FMO3: variants seen among roughly 807,000 people sequenced by gnomAD.
The protein encoded by FMO3 is flavin containing dimethylaniline monoxygenase 3.
Under a neutral mutation model 39.4 loss-of-function variants are expected in FMO3, and 40 were observed. The observed-to-expected ratio is 1.02, with a 90% confidence interval of 0.79 to 1.32. FMO3 has a LOEUF of 1.32. FMO3 is among the 40% of genes most tolerant of loss of function. FMO3 has a pLI of 0.00. For missense variants in FMO3, 680 were observed against 651.8 expected (o/e 1.04, Z -0.47); for synonymous variants, 219 against 228.8 (o/e 0.96, Z 0.39).
At position 171,117,250 on chromosome 1, in the gene FMO3, C is replaced by T; in HGVS notation, c.1407C>T (p.Tyr469=). ...TTTATTTTGGCCCTTGTAGTCCCTACCAGTTTAGGCTGGTGGGCCCAGGGC... is the reference window on the plus strand; with the variant it reads ...TTTATTTTGGCCCTTGTAGTCCCTATCAGTTTAGGCTGGTGGGCCCAGGGC... ...MEVYFGPCSP[Y]QFRLVGPGQW... The change falls in exon 9 of 9, where the codon TAC becomes TAT. Residue 469 remains tyrosine, a synonymous_variant. Coordinates refer to ENST00000367755, the MANE Select transcript of FMO3 (RefSeq NM_001002294.3). The T allele has an allele frequency of 6.2e-7, 1 of 1,614,192 alleles. No individual in the cohort carries two copies. The highest frequency in any genetic ancestry group is 8.5e-7 in the Non-Finnish European group (1 of 1,180,024).
intron 5 of FMO3, among the ~76,000 whole-genome samples, chr1:171,108,767 T>C (rs1041901934): frequency 2.0e-5 from 3 of 151,958 alleles, no homozygotes; most frequent in Admixed American, 6.6e-5. Flanking sequence ...GTGGTGAACA[T>C]AACAGGCATG....
chr1:171,116,309 A>G (rs910975034), intron 8 of FMO3, 29 bp downstream of exon 8: 2 of 1,192,664 alleles, frequency 1.7e-6, no homozygotes, highest in South Asian at 2.5e-5. Context: ...ATAGGAGTGT[A>G]GGATTTCCAT....
chr1:171,105,904 A>G (rs1423725572), intron 3 of FMO3, among the ~76,000 whole-genome samples: 1 of 152,100 alleles, frequency 6.6e-6, no homozygotes, highest in East Asian at 1.9e-4. Flanking sequence ...CGCAAACATT[A>G]TCTTAATCTT....
At chr1:171,115,159 A>G (rs1410792802) in intron 7 of FMO3, among the ~76,000 whole-genome samples, 5 of 152,204 alleles carry the variant, frequency 3.3e-5, no homozygotes, top group Non-Finnish European at 4.4e-5. Flanking sequence ...CTGGCATTAA[A>G]GGAAGGGTGC....
rs942515799 is a variant in FMO3 at position 171,116,064 on chromosome 1, G to C, written c.1184-144G>C. 7.9e-6 allele frequency: 5 copies of C among 631,686 alleles called. No individual in the cohort carries two copies. In the Admixed American group the frequency reaches 1.0e-4, roughly 13 times the overall value. The allele number at this position is 631,686 out of a possible 1,614,324, so 39.1% of individuals were successfully genotyped here. A position where few individuals can be genotyped will look rare whatever the true frequency, so the allele number is the denominator to read the frequency against. On this transcript the variant is annotated intron_variant, in intron 7 of 8. Transcript: ENST00000367755. Reference sequence around the variant, plus strand: ...AATTATTATGACAAATATGAGTTCTGAGAAGACTAGAACTGAATTTGGTGT... The same window carrying C: ...AATTATTATGACAAATATGAGTTCTCAGAAGACTAGAACTGAATTTGGTGT...
chr1:171,107,551 A>T (rs1313818701), intron 3 of FMO3, 124 bp from the exon 4 acceptor site: 2 of 737,490 alleles, frequency 2.7e-6, no homozygotes, highest in African/African-American at 1.8e-5. Flanking sequence ...GGGAATTTTA[A>T]ATTTGTAATA....
chr1:171,091,563 T>A (rs144628594), intron 1 of FMO3, among the ~76,000 whole-genome samples: 1 of 148,906 alleles, frequency 6.7e-6, no homozygotes, highest in Admixed American at 6.8e-5. Flanking sequence ...TGGGAAAAAA[T>A]TGTTTTTAGG....
In FMO3 at chr1:171,114,457, C is replaced by T. The variant is rs1006799840; in HGVS notation, c.1183+95C>T. On this transcript the variant is annotated intron_variant, in intron 7 of 8. Coordinates refer to ENST00000367755, the MANE Select transcript of FMO3 (RefSeq NM_001002294.3). ...AAACAATAATCCTAGTTACAAGGTC[C>T]CCTTCAGTTTTGAAAATTTATAATT... 3.2e-6 allele frequency: 3 copies of T among 929,868 alleles called. No individual in the cohort carries two copies. The African/African-American group carries it at 4.9e-5, about 15-fold the overall frequency. The allele number at this position is 929,868 out of a possible 1,614,324, so 57.6% of individuals were successfully genotyped here.
chr1:171,096,184 T>TA (rs1182883683), intron 2 of FMO3, among the ~76,000 whole-genome samples: 6 of 50,684 alleles, frequency 1.2e-4, no homozygotes, highest in Non-Finnish European at 1.2e-4. Context: ...ATATAATATA[T>TA]TAATATATAT....
At chr1:171,096,060 TA>T (rs1557933255) in intron 2 of FMO3, among the ~76,000 whole-genome samples, 2 of 53,400 alleles carry the variant, frequency 3.7e-5, no homozygotes, top group African/African-American at 3.1e-4. Flanking sequence ...ATATATAATA[TA>T]TATTATATAT....
At chr1:171,100,833 G>C in intron 2 of FMO3, 1 of 259,102 alleles carries the variant, frequency 3.9e-6, no homozygotes, top group Non-Finnish European at 7.8e-6. Context: ...CAAATTCCTG[G>C]AACCTGTAAA....
intron 2 of FMO3, 107 bp downstream of exon 2, chr1:171,092,897 T>C: frequency 8.3e-7 from 1 of 1,210,326 alleles, no homozygotes. Context: ...AGTTATCATA[T>C]CTGTTAGAAT....
chr1:171,110,647 T>C, intron 5 of FMO3, 151 bp from the exon 6 acceptor site: 1 of 741,998 alleles, frequency 1.3e-6, no homozygotes, highest in Non-Finnish European at 2.4e-6. Context: ...AAAGCAATGG[T>C]CAAAAAGGAC....
intron 3 of FMO3, among the ~76,000 whole-genome samples, chr1:171,104,979 T>C (rs1487277601): frequency 6.6e-6 from 1 of 152,020 alleles, no homozygotes; most frequent in Non-Finnish European, 1.5e-5. Flanking sequence ...ACAAAATGGA[T>C]ACAGATGAAT....
intron 2 of FMO3, among the ~76,000 whole-genome samples, chr1:171,103,312 G>A (rs1655488340): frequency 6.6e-6 from 1 of 152,126 alleles, no homozygotes; most frequent in Non-Finnish European, 1.5e-5. Context: ...AGTTCCCTTA[G>A]TAAGTTTCCA....
rs146765448 is a variant in FMO3 at position 171,117,419 on chromosome 1, G to A, written c.1576G>A (p.Ala526Thr). The A allele has an allele frequency of 2.7e-5, 44 of 1,613,480 alleles. No homozygotes were observed. The highest frequency in any genetic ancestry group is 2.7e-4 in the African/African-American group (20 of 74,988). The stretch of plus-strand genomic sequence containing the variant: ...CTTTGCAATTCCTATTCTGTTAATC[G>A]CTGTTTTCCTTGTGTTGACCTAATC... The part of the protein sequence containing the change: ...KLFAIPILLI[A>T]VFLVLT Residue 526 changes from alanine (A) to threonine (T), a missense_variant, in exon 9 of 9, where the codon GCT (alanine) becomes ACT (threonine). Transcript: ENST00000367755.
intron 3 of FMO3, among the ~76,000 whole-genome samples, chr1:171,105,894 C>T (rs1046601623): frequency 3.9e-5 from 6 of 152,024 alleles, no homozygotes; most frequent in East Asian, 3.8e-4. Flanking sequence ...GCAAAACATA[C>T]GCAAACATTA....
Position 171,107,682 on chromosome 1 carries a change from T to C in FMO3, c.329T>C (p.Val110Ala), listed in dbSNP as rs376881697. 245 of 1,612,388 alleles carry C rather than the reference T, an allele frequency of 1.5e-4. No homozygotes were observed. The highest frequency in any genetic ancestry group is 3.0e-4 in the Admixed American group (18 of 59,954). ...TTTCTGTATTTCTCTTAGACATTTG[T>C]ATCCAGTGTAAATAAACATCCTGAT... Reference protein sequence around the residue: ...LLKYIQFKTFVSSVNKHPDFA... With the variant: ...LLKYIQFKTFASSVNKHPDFA... The change falls in exon 4 of 9, where the codon GTA becomes GCA. Residue 110 changes from valine (V) to alanine (A), a missense_variant. Val to Ala is a moderately conservative substitution (Grantham distance 64). Transcript: ENST00000367755.
intron 2 of FMO3, 130 bp from the exon 3 acceptor site, chr1:171,103,655 T>C (rs1557939124): frequency 1.3e-6 from 1 of 761,642 alleles, no homozygotes; most frequent in Non-Finnish European, 2.4e-6. Context: ...TCGTAGATTT[T>C]GGTAACCACG....
Sources: gnomAD v4.1 joint callset for allele counts (sites outside exome capture counted in the v4.1 genomes callset) on GRCh38, gnomAD v4.1.1 for gene constraint, MANE v1.5 for transcripts, NCBI Gene and HGNC (gene_info 2026-07-23, HGNC 2026-07-21) for gene names.